Variants in CNTN5 observed in about 807,000 individuals in gnomAD.
The protein encoded by CNTN5 is contactin-5.
CNTN5 carries 77 observed loss-of-function variants against 129.1 expected under a neutral mutation model. The ratio of observed to expected loss-of-function variants is 0.60; its 90% CI spans 0.50 to 0.72. CNTN5 has a LOEUF of 0.72. Ranked by LOEUF, CNTN5 falls within the 30% of genes least tolerant of loss-of-function variation. The probability of loss-of-function intolerance (pLI) is 0.00; values close to 1 mark genes in which losing one functional copy is unlikely to be tolerated. For missense variants in CNTN5, 1,478 were observed against 1,328.8 expected (o/e 1.11, Z -1.75); for synonymous variants, 509 against 465.6 (o/e 1.09, Z -1.20).
intron 3 of CNTN5, among the ~76,000 whole-genome samples, chr11:99,711,481 A>T (rs1954985664): frequency 6.6e-6 from 1 of 150,632 alleles, no homozygotes; most frequent in Non-Finnish European, 1.5e-5. Context: ...TCGTTTGAAG[A>T]CACAGTTTTT....
chr11:100,147,651 T>C (rs1946897957), intron 13 of CNTN5, among the ~76,000 whole-genome samples: 1 of 152,094 alleles, frequency 6.6e-6, no homozygotes, highest in Non-Finnish European at 1.5e-5. Flanking sequence ...TGTGTGTGTG[T>C]GTGTATCCTT....
chr11:99,433,504 A>G (rs1467940611), intron 2 of CNTN5, among the ~76,000 whole-genome samples: 1 of 151,962 alleles, frequency 6.6e-6, no homozygotes, highest in Non-Finnish European at 1.5e-5. Context: ...TCACATTTCT[A>G]GTAAGGTGCC....
intron 6 of CNTN5, among the ~76,000 whole-genome samples, chr11:99,907,006 C>T (rs558973099): frequency 9.2e-5 from 14 of 151,562 alleles, no homozygotes; most frequent in Non-Finnish European, 1.5e-4. Context: ...CTATTTGATT[C>T]TTCTCTCTTT....
intron 21 of CNTN5, among the ~76,000 whole-genome samples, chr11:100,322,146 T>C (rs1951708115): frequency 1.3e-5 from 2 of 152,114 alleles, no homozygotes; most frequent in African/African-American, 4.8e-5. Flanking sequence ...ATCTGGAGCT[T>C]TTTATGTCTT....
chr11:99,398,100 C>A (rs998458887), intron 2 of CNTN5, among the ~76,000 whole-genome samples: 9 of 151,852 alleles, frequency 5.9e-5, no homozygotes, highest in Non-Finnish European at 1.0e-4. Context: ...TGTCAGCCAT[C>A]CATTGACTTT....
At chr11:100,209,883 G>A (rs1051431244) in intron 15 of CNTN5, among the ~76,000 whole-genome samples, 3 of 152,090 alleles carry the variant, frequency 2.0e-5, no homozygotes, top group African/African-American at 7.2e-5. Context: ...AATGAATAAG[G>A]GTATTGTTAT....
At chr11:99,157,652 A>G (rs1242014504) in intron 1 of CNTN5, among the ~76,000 whole-genome samples, 3 of 152,138 alleles carry the variant, frequency 2.0e-5, no homozygotes, top group Non-Finnish European at 4.4e-5. Flanking sequence ...CTTTAAAATA[A>G]TTAAAGCAAA....
At chr11:100,181,274 C>A (rs1948131566) in intron 13 of CNTN5, among the ~76,000 whole-genome samples, 1 of 149,714 alleles carries the variant, frequency 6.7e-6, no homozygotes, top group African/African-American at 2.5e-5. Flanking sequence ...AGCCTCCAGG[C>A]AGGAAAGTAA....
At chr11:99,782,332 A>G (rs1945341224) in intron 3 of CNTN5, among the ~76,000 whole-genome samples, 1 of 149,144 alleles carries the variant, frequency 6.7e-6, no homozygotes. Context: ...AAAAGAGGAT[A>G]CAAACAAATG....
chr11:99,070,096 T>A (rs912690721), intron 1 of CNTN5, among the ~76,000 whole-genome samples: 3 of 152,172 alleles, frequency 2.0e-5, no homozygotes, highest in Admixed American at 6.6e-5. Context: ...CGCACTGGTA[T>A]GAAAATGGTT....
rs1381336994 is a variant in CNTN5 at position 99,553,989 on chromosome 11, CACACACAT to C, written c.-70-2148_-70-2141del. ...ATACACACACACACACACACACACA[CACACACAT>C]ACACACACACACACTTCTTCTTTTA... On this transcript the variant is annotated intron_variant, in intron 2 of 24. Transcript: ENST00000524871. Among the ~76,000 whole-genome samples, 874 of 135,854 alleles carry C rather than the reference CACACACAT, an allele frequency of 6.4e-3. 18 individuals carry two copies. In the East Asian group the frequency reaches 0.14, roughly 21 times the overall value. 89.1% of individuals were successfully genotyped at this position (135,854 alleles called of 152,430 possible).
intron 4 of CNTN5, among the ~76,000 whole-genome samples, chr11:99,841,923 G>T (rs1487799716): frequency 1.4e-5 from 2 of 146,678 alleles, no homozygotes; most frequent in African/African-American, 5.1e-5. Context: ...TTTCACTCTT[G>T]TTGCCCAGAC....
intron 2 of CNTN5, among the ~76,000 whole-genome samples, chr11:99,370,268 T>C (rs547655059): frequency 1.1e-4 from 17 of 152,316 alleles, no homozygotes; most frequent in Admixed American, 3.9e-4. Flanking sequence ...TTGGATTAAT[T>C]TTCTGAAATG....
intron 2 of CNTN5, among the ~76,000 whole-genome samples, chr11:99,453,302 G>A (rs756779139): frequency 3.3e-5 from 5 of 152,112 alleles, no homozygotes; most frequent in Non-Finnish European, 7.4e-5. Context: ...GGAGAGGAAA[G>A]CGTTGGAGAA....
At chr11:99,584,074 C>T (rs1289439220) in intron 3 of CNTN5, among the ~76,000 whole-genome samples, 1 of 152,124 alleles carries the variant, frequency 6.6e-6, no homozygotes, top group Non-Finnish European at 1.5e-5. Context: ...TTACTGGGAT[C>T]AAAGGGATTA....
At chr11:99,445,182 G>A (rs944129259) in intron 2 of CNTN5, among the ~76,000 whole-genome samples, 5 of 149,892 alleles carry the variant, frequency 3.3e-5, no homozygotes, top group Admixed American at 1.3e-4. Flanking sequence ...ATATGGGTGT[G>A]GTGTGTGTAT....
At position 99,352,406 on chromosome 11, in the gene CNTN5, T is replaced by C. The variant is rs35153164; in HGVS notation, c.-71+26922T>C. Among the ~76,000 whole-genome samples, 1,306 of 152,300 alleles carry C rather than the reference T, an allele frequency of 8.6e-3. 4 individuals are homozygous for C. Among genetic ancestry groups the C allele is most frequent in the Non-Finnish European group, 0.014 (943 of 68,020 alleles). On this transcript the variant is annotated intron_variant, in intron 2 of 24. Transcript: ENST00000524871. ...TTATGGTTCCTTTCCTTCCCCATCA[T>C]ATATTTATTTTTCTGACTTGGCTCT... is the stretch of plus-strand genomic sequence containing the variant.
intron 3 of CNTN5, among the ~76,000 whole-genome samples, chr11:99,722,242 C>T (rs944995506): frequency 1.3e-5 from 2 of 152,138 alleles, no homozygotes; most frequent in African/African-American, 2.4e-5. Context: ...AAATTTCCAT[C>T]AGTGACAGAT....
chr11:99,668,450 C>A (rs868378134), intron 3 of CNTN5, among the ~76,000 whole-genome samples: 3 of 151,920 alleles, frequency 2.0e-5, no homozygotes, highest in East Asian at 1.9e-4. Flanking sequence ...CCCATGGGAA[C>A]GGTAATCTTT....
Sources: gnomAD v4.1 joint callset for allele counts (sites outside exome capture counted in the v4.1 genomes callset) on GRCh38, gnomAD v4.1.1 for gene constraint, MANE v1.5 for transcripts, NCBI Gene and HGNC (gene_info 2026-07-23, HGNC 2026-07-21) for gene names.